The following GMEB2 variants were observed in gnomAD, a reference collection of about 807,000 sequenced individuals.
GMEB2 encodes the protein glucocorticoid modulatory element-binding protein 2.
A neutral mutation model predicts 45.7 loss-of-function variants in GMEB2; 7 were observed. That is an observed-to-expected ratio of 0.15 (90% CI 0.09 to 0.29). GMEB2 has a LOEUF of 0.29. Ranked by LOEUF, GMEB2 falls within the 10% of genes least tolerant of loss-of-function variation. The probability of loss-of-function intolerance (pLI) is 1.00; values close to 1 mark genes in which losing one functional copy is unlikely to be tolerated. For missense variants in GMEB2, 582 were observed against 739.2 expected (o/e 0.79, Z 2.47); for synonymous variants, 322 against 323.6 (o/e 1.00, Z 0.05).
intron 2 of GMEB2, among the ~76,000 whole-genome samples, chr20:63,616,441 A>T (rs4809314): frequency 0.79 from 119,927 of 152,080 alleles, 48,968 homozygotes; most frequent in Non-Finnish European, 0.92. Context: ...CGAGACTCCA[A>T]CTCAAAAAAA....
At chr20:63,617,577 T>C (rs1380957976) in intron 2 of GMEB2, among the ~76,000 whole-genome samples, 3 of 99,064 alleles carry the variant, frequency 3.0e-5, no homozygotes, top group African/African-American at 9.9e-5. Context: ...AACCCGGTGC[T>C]GGACCAGACC....
rs1347867709 is a variant in GMEB2 at position 63,593,743 on chromosome 20, C to A, written c.620-661G>T. Among the ~76,000 whole-genome samples the A allele has an allele frequency of 2.0e-5, 3 of 152,120 alleles. No individual in the cohort carries two copies. The highest frequency in any genetic ancestry group is 2.9e-5 in the Non-Finnish European group (2 of 68,026). ...CTGGCTTAAAAAACAAACCCGGGGC[C>A]GGATGTGGTGGCTCACGCCTGTAAT... On this transcript the variant is annotated intron_variant, in intron 6 of 9. Coordinates refer to ENST00000370077, the MANE Select transcript of GMEB2 (RefSeq NM_012384.5). This position sits in a 1 kb window ranked among gnomAD's most constrained non-coding sequence, Gnocchi z 4.7.
Position 63,597,883 on chromosome 20 carries a change from G to A in GMEB2, c.358-23C>T, listed in dbSNP as rs970999048. ...GTACTGTGGGGGACACAGTCATGTG[G>A]GTCAAGCTTGGCCGGGACACCACAT... On this transcript the variant is annotated intron_variant, in intron 4 of 9. Coordinates refer to ENST00000370077, the MANE Select transcript of GMEB2 (RefSeq NM_012384.5). 5 of 1,393,320 alleles carry A rather than the reference G, an allele frequency of 3.6e-6. No homozygotes were observed. The African/African-American group carries it at 7.1e-5, about 20-fold the overall frequency. 86.3% of individuals were successfully genotyped at this position (1,393,320 alleles called of 1,614,324 possible).
intron 6 of GMEB2, among the ~76,000 whole-genome samples, chr20:63,594,339 C>G (rs896293797): frequency 6.6e-6 from 1 of 152,248 alleles, no homozygotes; most frequent in South Asian, 2.1e-4. Flanking sequence ...GGCGGTCAGG[C>G]AGGGCCAACA....
chr20:63,609,581 C>G (rs1326076711), intron 2 of GMEB2, among the ~76,000 whole-genome samples: 3 of 15,982 alleles, frequency 1.9e-4, no homozygotes, highest in Non-Finnish European at 4.7e-4. Flanking sequence ...ACATGCCCCT[C>G]TGACCCACCT....
intron 2 of GMEB2, among the ~76,000 whole-genome samples, chr20:63,610,813 G>A (rs2089564067): frequency 6.6e-6 from 1 of 152,166 alleles, no homozygotes; most frequent in African/African-American, 2.4e-5. Context: ...TCAAGACAGG[G>A]GGCTATTTCC....
At chr20:63,605,979 T>A (rs886413923) in intron 2 of GMEB2, among the ~76,000 whole-genome samples, 39 of 151,722 alleles carry the variant, frequency 2.6e-4, no homozygotes, top group African/African-American at 8.7e-4. Flanking sequence ...ACCCAGCAGG[T>A]GAAACCAGCA....
intron 1 of GMEB2, among the ~76,000 whole-genome samples, chr20:63,620,681 G>C (rs189054111): frequency 1.3e-5 from 2 of 152,254 alleles, no homozygotes; most frequent in African/African-American, 4.8e-5. Context: ...AAAATAAACT[G>C]GCCTAAGAAC....
Position 63,619,264 on chromosome 20 carries a change from T to G in GMEB2, c.131+3A>C. ...CCCCAATGGCACCGAGGCCCGAGCT[T>G]ACCCGTGAGGGGCCAAGTTGGTCGT... On this transcript the variant is annotated splice_donor_region_variant and intron_variant, in intron 2 of 9. Coordinates refer to ENST00000370077, the MANE Select transcript of GMEB2 (RefSeq NM_012384.5). This position sits in a 1 kb window ranked among gnomAD's most constrained non-coding sequence, Gnocchi z 4.6. The G allele has an allele frequency of 6.2e-7, 1 of 1,608,490 alleles. No individual in the cohort carries two copies. The highest frequency in any genetic ancestry group is 8.5e-7 in the Non-Finnish European group (1 of 1,178,452).
rs148425202 is a variant in GMEB2 at position 63,626,251 on chromosome 20, GCGAGT to G, written c.-58+700_-58+704del. Among the ~76,000 whole-genome samples the G allele has an allele frequency of 2.2e-3, 330 of 150,380 alleles. 1 individual carries two copies. Among genetic ancestry groups the G allele is most frequent in the South Asian group, 6.3e-3 (30 of 4,740 alleles). On this transcript the variant is annotated intron_variant, in intron 1 of 9. Coordinates refer to ENST00000370077, the MANE Select transcript of GMEB2 (RefSeq NM_012384.5). ...GGTGATCCCTGCGGGTCGCGTCCCTGCGAGTTGGGTGCCTGCCGGGTGGCCCCTGC... is the reference window on the plus strand; with the variant it reads ...GGTGATCCCTGCGGGTCGCGTCCCTGTGGGTGCCTGCCGGGTGGCCCCTGC...
intron 2 of GMEB2, among the ~76,000 whole-genome samples, chr20:63,615,590 T>C (rs1459699165): frequency 2.6e-5 from 4 of 152,154 alleles, no homozygotes; most frequent in Non-Finnish European, 5.9e-5. Context: ...CCTCCCAAAG[T>C]GCTCAGATTA....
At position 63,610,237 on chromosome 20, in the gene GMEB2, A is replaced by G. The variant is rs190590786; in HGVS notation, c.132-5397T>C. Among the ~76,000 whole-genome samples the G allele has an allele frequency of 6.0e-3, 921 of 152,282 alleles. 6 individuals carry two copies. Among genetic ancestry groups the G allele is most frequent in the Admixed American group, 0.01 (157 of 15,286 alleles). On this transcript the variant is annotated intron_variant, in intron 2 of 9. Coordinates refer to ENST00000370077, the MANE Select transcript of GMEB2 (RefSeq NM_012384.5). ...GAAGTTTGCTTAAAAACACACGCACACCAGCCGGGCACGGTGGCTCACACC... is the reference window on the plus strand; with the variant it reads ...GAAGTTTGCTTAAAAACACACGCACGCCAGCCGGGCACGGTGGCTCACACC...
chr20:63,597,387 C>G (rs750884156), intron 5 of GMEB2, among the ~76,000 whole-genome samples: 1 of 152,054 alleles, frequency 6.6e-6, no homozygotes, highest in Non-Finnish European at 1.5e-5. Flanking sequence ...TGGTCTCAAA[C>G]TCTTGGCGTC....
Position 63,609,443 on chromosome 20 carries a change from C to G in GMEB2, c.132-4603G>C, listed in dbSNP as rs1488614186. Among the ~76,000 whole-genome samples the G allele has an allele frequency of 5.3e-3, 565 of 107,192 alleles. 3 individuals are homozygous for G. Among genetic ancestry groups the G allele is most frequent in the East Asian group, 0.012 (27 of 2,218 alleles). 70.3% of individuals were successfully genotyped at this position (107,192 alleles called of 152,430 possible). The stretch of plus-strand genomic sequence containing the variant: ...CACCTCCATTTCTAGAAACATGCCC[C>G]TCTCACCCCACATCCATTTCTAGAA... On this transcript the variant is annotated intron_variant, in intron 2 of 9. Transcript: ENST00000370077.
rs1668912218 is a variant in GMEB2 at position 63,590,246 on chromosome 20, G to A, written c.1436C>T (p.Thr479Met). Reference protein sequence around the residue: ...FKVVSPLQLLTLPGLGPTLQN... With the variant: ...FKVVSPLQLLMLPGLGPTLQN... Reference sequence around the variant, plus strand: ...CAGGGTGGGGCCCAGGCCAGGCAACGTGAGCAGCTGTAGCGGGCTGACCAC... The same window carrying A: ...CAGGGTGGGGCCCAGGCCAGGCAACATGAGCAGCTGTAGCGGGCTGACCAC... The change falls in exon 10 of 10, where the codon ACG (threonine) becomes ATG (methionine). Residue 479 changes from threonine to methionine, a missense_variant. By Grantham distance (81) the Thr-to-Met change is moderately conservative (BLOSUM62 -1). Coordinates refer to ENST00000370077, the MANE Select transcript of GMEB2 (RefSeq NM_012384.5). The A allele has an allele frequency of 6.2e-7, 1 of 1,612,334 alleles. No individual in the cohort carries two copies. The highest frequency in any genetic ancestry group is 8.5e-7 in the Non-Finnish European group (1 of 1,179,768).
Position 63,619,721 on chromosome 20 carries a change from A to T in GMEB2, c.-57-267T>A. On this transcript the variant is annotated intron_variant, in intron 1 of 9. Transcript: ENST00000370077. The surrounding 1 kb of genome is among the most constrained non-coding windows in gnomAD (Gnocchi z 4.6). ...GCCACTCCCTCCACGTGGGGCTCAGAGCAGGAGGACAGGAGGGGCCTGGAA... is the reference window on the plus strand; with the variant it reads ...GCCACTCCCTCCACGTGGGGCTCAGTGCAGGAGGACAGGAGGGGCCTGGAA... 5.3e-6 allele frequency: 1 copy of T among 187,932 alleles called. No homozygotes were observed. Among genetic ancestry groups the T allele is most frequent in the Non-Finnish European group, 1.1e-5 (1 of 90,556 alleles). 11.6% of individuals were successfully genotyped at this position (187,932 alleles called of 1,614,324 possible). A position where few individuals can be genotyped will look rare whatever the true frequency, so the allele number is the denominator to read the frequency against.
intron 2 of GMEB2, among the ~76,000 whole-genome samples, chr20:63,607,334 G>C (rs1313379480): frequency 1.6e-5 from 1 of 61,004 alleles, no homozygotes; most frequent in Non-Finnish European, 3.5e-5. Context: ...ATGCCCCTCT[G>C]ACCTCACCTC....
rs1601004714 is a variant in GMEB2 at position 63,592,801 on chromosome 20, G to A, written c.692-131C>T. 4 of 842,098 alleles carry A rather than the reference G, an allele frequency of 4.8e-6. No individual in the cohort carries two copies. In the East Asian group the frequency reaches 7.3e-5, roughly 15 times the overall value. The allele number at this position is 842,098 out of a possible 1,614,324, so 52.2% of individuals were successfully genotyped here. A position where few individuals can be genotyped will look rare whatever the true frequency, so the allele number is the denominator to read the frequency against. On this transcript the variant is annotated intron_variant, in intron 7 of 9. Coordinates refer to ENST00000370077, the MANE Select transcript of GMEB2 (RefSeq NM_012384.5). The surrounding 1 kb of genome is among the most constrained non-coding windows in gnomAD (Gnocchi z 8.2). ...GCCGGCAGCGCCTGGCACTGTGCTG[G>A]GCTTGCACTGCCCAGACACATCCAC...
intron 4 of GMEB2, among the ~76,000 whole-genome samples, chr20:63,599,334 G>A (rs1273198353): frequency 2.0e-5 from 3 of 152,204 alleles, no homozygotes; most frequent in East Asian, 1.9e-4. Context: ...AGGACTGGTC[G>A]GGTGACCCAC....
Sources: allele counts gnomAD v4.1 joint callset (sites outside exome capture counted in the v4.1 genomes callset), GRCh38; gene constraint gnomAD v4.1.1; non-coding constraint Gnocchi (gnomAD v3.1); transcripts MANE v1.5; gene names NCBI Gene and HGNC (gene_info 2026-07-23, HGNC 2026-07-21).